The following ZNF674 variants were observed in gnomAD, a reference collection of about 807,000 sequenced individuals.
The protein encoded by ZNF674 is zinc finger family member 674.
ZNF674 carries 2 observed loss-of-function variants against 7.0 expected under a neutral mutation model. The ratio of observed to expected loss-of-function variants is 0.29; its 90% CI spans 0.12 to 0.90. The LOEUF (loss-of-function observed/expected upper bound fraction) is 0.90. Ranked by LOEUF, ZNF674 falls within the 40% of genes least tolerant of loss-of-function variation. The pLI, the probability that ZNF674 is intolerant of heterozygous loss-of-function variation, is 0.57. For synonymous variants in ZNF674, 103 were observed against 145.2 expected, an observed-to-expected ratio of 0.71 and a Z score of 2.09; for missense variants, 297 against 415.5, an observed-to-expected ratio of 0.71 and a Z score of 2.48.
intron 3 of ZNF674, among the ~76,000 whole-genome samples, chrX:46,533,853 T>TATATATATATATATATATATATACAC (rs1556020063): frequency 1.4e-5 from 1 of 73,850 alleles, no homozygotes; most frequent in African/African-American, 5.9e-5. Context: ...TATATATATA[T>TATATATATATATATATATATATACAC]ACACACACAC....
chrX:46,532,026 G>A (rs1394443029), intron 3 of ZNF674, among the ~76,000 whole-genome samples: 1 of 110,474 alleles, frequency 9.1e-6, no homozygotes, highest in South Asian at 3.8e-4. Flanking sequence ...TTAGCCAGGC[G>A]TGGTGGCGGG....
chrX:46,515,857 C>CA (rs1183820434), intron 5 of ZNF674, among the ~76,000 whole-genome samples: 1 of 111,062 alleles, frequency 9.0e-6, no homozygotes, highest in Non-Finnish European at 1.9e-5. Flanking sequence ...CAATCCCCCC[C>CA]ACCTCAGCCT....
intron 5 of ZNF674, among the ~76,000 whole-genome samples, chrX:46,510,563 T>C (rs1941635251): frequency 8.9e-6 from 1 of 111,980 alleles, no homozygotes; most frequent in African/African-American, 3.2e-5. Context: ...CCGAAGTGGG[T>C]GGATCACCTG....
chrX:46,512,015 C>T (rs1941663618), intron 5 of ZNF674, among the ~76,000 whole-genome samples: 1 of 86,415 alleles, frequency 1.2e-5, no homozygotes, highest in African/African-American at 4.5e-5. Flanking sequence ...AAGAGTGAAA[C>T]TCCATCTCAA....
intron 3 of ZNF674, among the ~76,000 whole-genome samples, chrX:46,534,843 T>C (rs1463677763): frequency 9.4e-6 from 1 of 106,393 alleles, no homozygotes; most frequent in Admixed American, 1.0e-4. Flanking sequence ...TGGGTTCGAG[T>C]GATTTTCCTG....
Position 46,499,837 on chromosome X carries a change from G to A in ZNF674, c.*6C>T. Reference sequence around the variant, plus strand: ...ACTAGTATAATTATCCCACTCTCAAGTATAATCATAGGTTTTTATCTCCTG... The same window carrying A: ...ACTAGTATAATTATCCCACTCTCAAATATAATCATAGGTTTTTATCTCCTG... On this transcript the variant is annotated 3_prime_UTR_variant, in exon 6 of 6. Coordinates refer to ENST00000683375, the MANE Select transcript of ZNF674 (RefSeq NM_001190417.2). 2 of 1,115,020 alleles carry A rather than the reference G, an allele frequency of 1.8e-6. No individual in the cohort carries two copies. The highest frequency in any genetic ancestry group is 2.4e-6 in the Non-Finnish European group (2 of 845,693). 91.9% of individuals were successfully genotyped at this position (1,115,020 alleles called of 1,213,427 possible). A position where few individuals can be genotyped will look rare whatever the true frequency, so the allele number is the denominator to read the frequency against.
intron 3 of ZNF674, 166 bp from the exon 4 acceptor site, chrX:46,529,075 T>C: frequency 1.1e-6 from 1 of 925,477 alleles, no homozygotes; most frequent in African/African-American, 1.9e-5. Context: ...AGATGAAGAG[T>C]GTGAGGCACA....
chrX:46,528,951 G>A, intron 3 of ZNF674, 42 bp from the exon 4 acceptor site: 3 of 1,211,520 alleles, frequency 2.5e-6, no homozygotes, highest in Non-Finnish European at 3.4e-6. Flanking sequence ...GGACCAGCCT[G>A]GGGCACTGGG....
rs759090009 is a variant in ZNF674, at chrX:46,505,573, C to A, written c.239-4238G>T. On this transcript the variant is annotated intron_variant, in intron 5 of 5. Transcript: ENST00000683375. Reference sequence around the variant, plus strand: ...ATCACCTGAGGTCAGGAGTTCAGGACCAGCCTGGCCAACATGGTGAAACCC... The same window carrying A: ...ATCACCTGAGGTCAGGAGTTCAGGAACAGCCTGGCCAACATGGTGAAACCC... Among the ~76,000 whole-genome samples the A allele has an allele frequency of 2.1e-3, 232 of 111,460 alleles. 2 individuals carry two copies. The highest frequency in any genetic ancestry group is 2.6e-3 in the Non-Finnish European group (140 of 53,046).
chrX:46,533,528 G>A (rs1373785813), intron 3 of ZNF674, among the ~76,000 whole-genome samples: 2 of 109,725 alleles, frequency 1.8e-5, no homozygotes, highest in African/African-American at 6.7e-5. Context: ...TTGGGAGTCC[G>A]AGGCGAGTGG....
intron 4 of ZNF674, 109 bp from the exon 5 acceptor site, chrX:46,528,554 C>T: frequency 1.0e-6 from 1 of 979,214 alleles, no homozygotes. Flanking sequence ...TGGCCCCATG[C>T]ACACAGCTAT....
At chrX:46,527,514 T>C (rs1942030095) in intron 5 of ZNF674, among the ~76,000 whole-genome samples, 1 of 111,364 alleles carries the variant, frequency 9.0e-6, no homozygotes, top group South Asian at 3.7e-4. Flanking sequence ...CATACATTGC[T>C]AGCGGAAAAA....
At chrX:46,540,847 T>G (rs2073240703) in intron 3 of ZNF674, among the ~76,000 whole-genome samples, 2 of 110,313 alleles carry the variant, frequency 1.8e-5, no homozygotes, top group Admixed American at 2.0e-4. Flanking sequence ...GTAGATCACC[T>G]GAGGTCAGGA....
At chrX:46,527,361 T>C (rs1202311321) in intron 5 of ZNF674, among the ~76,000 whole-genome samples, 6 of 110,337 alleles carry the variant, frequency 5.4e-5, no homozygotes, top group Non-Finnish European at 9.5e-5. Context: ...GATATAAAGA[T>C]AGCAAATAAG....
intron 5 of ZNF674, among the ~76,000 whole-genome samples, chrX:46,514,432 A>G (rs1007843415): frequency 4.5e-5 from 5 of 111,655 alleles, no homozygotes; most frequent in Admixed American, 1.9e-4. Context: ...CCCTCTGGAC[A>G]TGAACAGGCT....
chrX:46,516,941 T>C (rs1941776579), intron 5 of ZNF674, among the ~76,000 whole-genome samples: 1 of 109,552 alleles, frequency 9.1e-6, no homozygotes, highest in Admixed American at 9.8e-5. Context: ...AGGTTACAGA[T>C]TGCAGTGAGC....
chrX:46,508,068 T>C (rs867715130), intron 5 of ZNF674, among the ~76,000 whole-genome samples: 1 of 106,363 alleles, frequency 9.4e-6, no homozygotes, highest in Non-Finnish European at 1.9e-5. Context: ...TTTTTTTTTT[T>C]AAATCAAGAG....
chrX:46,506,257 A>T (rs1047892291), intron 5 of ZNF674, among the ~76,000 whole-genome samples: 3 of 111,098 alleles, frequency 2.7e-5, no homozygotes, highest in African/African-American at 9.8e-5. Flanking sequence ...CCCGAACACT[A>T]GAGGCTGATG....
rs750801783 is a variant in ZNF674, at chrX:46,540,786, A to C, written c.15+1287T>G. Among the ~76,000 whole-genome samples, 417 of 111,739 alleles carry C rather than the reference A, an allele frequency of 3.7e-3. 4 individuals are homozygous for C. Among genetic ancestry groups the C allele is most frequent in the Admixed American group, 5.1e-3 (53 of 10,417 alleles). On this transcript the variant is annotated intron_variant, in intron 3 of 5. Transcript: ENST00000683375. ...TACAATAGTAAAAAAAAATTAGGCC[A>C]GGTGCAGTGGCTCATGCCTGTAATC...
Sources: gnomAD v4.1 joint callset for allele counts (sites outside exome capture counted in the v4.1 genomes callset) on GRCh38, gnomAD v4.1.1 for gene constraint, MANE v1.5 for transcripts, NCBI Gene and HGNC (gene_info 2026-07-23, HGNC 2026-07-21) for gene names.